IFNAR2: variants seen among roughly 807,000 people sequenced by gnomAD.
The protein encoded by IFNAR2 is interferon alpha/beta receptor 2.
A neutral mutation model predicts 49.4 loss-of-function variants in IFNAR2; 30 were observed. That is an observed-to-expected ratio of 0.61 (90% CI 0.45 to 0.82). The LOEUF is 0.82. Ranked by LOEUF, IFNAR2 falls within the 40% of genes least tolerant of loss-of-function variation. The pLI is 0.00. For missense variants in IFNAR2, 600 were observed against 622.7 expected, an observed-to-expected ratio of 0.96 and a Z score of 0.39; for synonymous variants, 224 against 234.5, an observed-to-expected ratio of 0.96 and a Z score of 0.41.
chr21:33,243,078 G>A (rs897871601), intron 2 of IFNAR2, among the ~76,000 whole-genome samples: 1 of 149,344 alleles, frequency 6.7e-6, no homozygotes, highest in African/African-American at 2.5e-5. Flanking sequence ...ATGAGCCACT[G>A]TGTCCAGCCA....
At chr21:33,236,353 A>G (rs1314277222) in intron 1 of IFNAR2, among the ~76,000 whole-genome samples, 1 of 152,160 alleles carries the variant, frequency 6.6e-6, no homozygotes, top group African/African-American at 2.4e-5. Flanking sequence ...GGCTCTGTGG[A>G]AGTCAAGCCT....
At chr21:33,236,943 G>A in intron 1 of IFNAR2, 4 of 876,388 alleles carry the variant, frequency 4.6e-6, no homozygotes, top group Non-Finnish European at 5.5e-6. Flanking sequence ...TAACAATTTA[G>A]GCACGATGCC....
chr21:33,238,149 C>T lies in IFNAR2; in HGVS notation c.-83-3691C>T, dbSNP rs141521586. Among the ~76,000 whole-genome samples, 188 of 152,224 alleles carry T rather than the reference C, an allele frequency of 1.2e-3. 5 individuals are homozygous for T. The East Asian group carries it at 0.031, about 25-fold the overall frequency. ...GCAAGTTAGCTCCCTGCTACCTTGG[C>T]GTTGTCAGTCCTCCACATAGCACTC... On this transcript the variant is annotated intron_variant, in intron 1 of 8. Transcript: ENST00000342136.
intron 7 of IFNAR2, among the ~76,000 whole-genome samples, chr21:33,254,084 G>A (rs1232428243): frequency 6.6e-6 from 1 of 152,112 alleles, no homozygotes; most frequent in East Asian, 1.9e-4. Flanking sequence ...ATAAAAATAA[G>A]GTAGGATCTA....
chr21:33,263,079 A>C lies in IFNAR2; in HGVS notation c.1127A>C (p.Glu376Ala), dbSNP rs1397963219. The change falls in exon 9 of 9, where the codon GAG (glutamate) becomes GCG (alanine). Residue 376 changes from glutamate to alanine, a missense_variant. Transcript: ENST00000342136. ...EEPDLPEVDV[E>A]LPTMPKDSPQ... is the part of the protein sequence containing the mutation. Reference sequence around the variant, plus strand: ...CCTGACCTGCCTGAGGTTGATGTGGAGCTCCCCACGATGCCAAAGGACAGC... The same window carrying C: ...CCTGACCTGCCTGAGGTTGATGTGGCGCTCCCCACGATGCCAAAGGACAGC... The C allele has an allele frequency of 6.2e-7, 1 of 1,614,018 alleles. No individual in the cohort carries two copies. The highest frequency in any genetic ancestry group is 1.3e-5 in the African/African-American group (1 of 74,978).
At chr21:33,236,076 A>G (rs568344957) in intron 1 of IFNAR2, among the ~76,000 whole-genome samples, 59 of 152,226 alleles carry the variant, frequency 3.9e-4, no homozygotes, top group Non-Finnish European at 6.0e-4. Context: ...ACTTTACAGC[A>G]CATCTTGGGA....
In IFNAR2 at chr21:33,263,101, C is replaced by T. The variant is rs1988752873; in HGVS notation, c.1149C>T (p.Asp383=). 1 of 1,614,190 alleles carries T rather than the reference C, an allele frequency of 6.2e-7. No homozygotes were observed. Among genetic ancestry groups the T allele is most frequent in the Non-Finnish European group, 8.5e-7 (1 of 1,180,024 alleles). The change falls in exon 9 of 9, where the codon GAC becomes GAT. Residue 383 remains aspartate (D), a synonymous_variant. Transcript: ENST00000342136. ...TGGAGCTCCCCACGATGCCAAAGGA[C>T]AGCCCTCAGCAGTTGGAACTCTTGA... ...VDVELPTMPK[D]SPQQLELLSG...
chr21:33,245,659 G>A (rs761883341), intron 4 of IFNAR2, among the ~76,000 whole-genome samples: 7 of 152,176 alleles, frequency 4.6e-5, no homozygotes, highest in Non-Finnish European at 8.8e-5. Flanking sequence ...AGTCCTGCTT[G>A]TCTTTTGTCT....
At chr21:33,249,081 C>T (rs571041023) in intron 6 of IFNAR2, among the ~76,000 whole-genome samples, 9 of 152,306 alleles carry the variant, frequency 5.9e-5, no homozygotes, top group African/African-American at 1.2e-4. Context: ...TGGTGGCTCA[C>T]GCCTATAATC....
intron 1 of IFNAR2, among the ~76,000 whole-genome samples, chr21:33,239,171 C>G (rs1986719453): frequency 6.6e-6 from 1 of 152,204 alleles, no homozygotes; most frequent in African/African-American, 2.4e-5. Flanking sequence ...TCCCCTCTCC[C>G]CACTGTTTAG....
intron 7 of IFNAR2, among the ~76,000 whole-genome samples, chr21:33,257,517 G>A (rs554852864): frequency 1.3e-5 from 2 of 152,100 alleles, no homozygotes; most frequent in Non-Finnish European, 2.9e-5. Context: ...CCTCGTGATT[G>A]GCTACTTTTA....
Position 33,247,254 on chromosome 21 carries a change from C to CTTTTTTTTTT in IFNAR2, c.394+370_394+379dup, listed in dbSNP as rs59707670. Reference sequence around the variant, plus strand: ...ATTTTCTTTCTTTCTTTCTTTCTTTCTTTTTTTTTTTTTTTGAGATGGAGT... The same window carrying CTTTTTTTTTT: ...ATTTTCTTTCTTTCTTTCTTTCTTTCTTTTTTTTTTTTTTTTTTTTTTTTTGAGATGGAGT... On this transcript the variant is annotated intron_variant, in intron 5 of 8. Coordinates refer to ENST00000342136, the MANE Select transcript of IFNAR2 (RefSeq NM_001289125.3). 4.5e-4 allele frequency among the ~76,000 whole-genome samples: 41 copies of CTTTTTTTTTT among 91,560 alleles called. 2 individuals are homozygous for CTTTTTTTTTT. Among genetic ancestry groups the CTTTTTTTTTT allele is most frequent in the African/African-American group, 1.6e-3 (38 of 23,796 alleles). 60.1% of individuals were successfully genotyped at this position (91,560 alleles called of 152,430 possible).
intron 1 of IFNAR2, among the ~76,000 whole-genome samples, chr21:33,231,540 G>A (rs1197224421): frequency 6.6e-6 from 1 of 152,152 alleles, no homozygotes; most frequent in Non-Finnish European, 1.5e-5. Flanking sequence ...AAAGTAGTAT[G>A]AAAAGGATCA....
intron 8 of IFNAR2, chr21:33,262,519 A>G (rs1350053376): frequency 2.9e-6 from 2 of 687,874 alleles, no homozygotes; most frequent in East Asian, 5.4e-5. Flanking sequence ...CATCAACTGC[A>G]TCATCATTCA....
At chr21:33,232,667 AAG>A (rs935197173) in intron 1 of IFNAR2, among the ~76,000 whole-genome samples, 2 of 151,850 alleles carry the variant, frequency 1.3e-5, no homozygotes, top group East Asian at 3.9e-4. Flanking sequence ...AAAAAAAAAA[AAG>A]AGGAAACTGA....
rs1252363233 is a variant in IFNAR2, at chr21:33,263,451, A to G, written c.1499A>G (p.Asp500Gly). The G allele has an allele frequency of 6.2e-7, 1 of 1,613,700 alleles. No individual in the cohort carries two copies. The highest frequency in any genetic ancestry group is 2.2e-5 in the East Asian group (1 of 44,874). The change falls in exon 9 of 9, where the codon GAC becomes GGC. Residue 500 changes from aspartate to glycine, a missense_variant. Coordinates refer to ENST00000342136, the MANE Select transcript of IFNAR2 (RefSeq NM_001289125.3). Reference protein sequence around the residue: ...WSEDAPSDQSDTSESDVDLGD... With the variant: ...WSEDAPSDQSGTSESDVDLGD... The stretch of plus-strand genomic sequence containing the variant: ...GAAGATGCTCCATCTGATCAAAGTG[A>G]CACTTCTGAGTCAGATGTTGACCTT...
In IFNAR2 at chr21:33,252,792, C is replaced by A. The variant is rs1987951503; in HGVS notation, c.671C>A (p.Pro224His). 1.9e-6 allele frequency: 3 copies of A among 1,613,978 alleles called. No individual in the cohort carries two copies. Among genetic ancestry groups the A allele is most frequent in the Non-Finnish European group, 2.5e-6 (3 of 1,179,904 alleles). ...GATGAGCAAGCAGTAATAAAGTCTC[C>A]CTTAAAATGCACCCTCCTTCCACCT... ...HSDEQAVIKS[P>H]LKCTLLPPGQ... Residue 224 changes from proline to histidine, a missense_variant, in exon 7 of 9, where the codon CCC becomes CAC. Transcript: ENST00000342136.
intron 7 of IFNAR2, among the ~76,000 whole-genome samples, chr21:33,255,729 C>CA (rs1295343206): frequency 1.3e-5 from 2 of 152,164 alleles, no homozygotes; most frequent in Non-Finnish European, 2.9e-5. Flanking sequence ...GGATTGAACT[C>CA]AGTCTCCAGC....
rs757904941 is a variant in IFNAR2, at chr21:33,248,696, G to T, written c.395-13G>T. 1 of 1,591,252 alleles carries T rather than the reference G, an allele frequency of 6.3e-7. No homozygotes were observed. Among genetic ancestry groups the T allele is most frequent in the Non-Finnish European group, 8.5e-7 (1 of 1,170,244 alleles). On this transcript the variant is annotated splice_polypyrimidine_tract_variant and intron_variant, in intron 5 of 8. Coordinates refer to ENST00000342136, the MANE Select transcript of IFNAR2 (RefSeq NM_001289125.3). ...CTGTGACATATTCCTGTCTGTTTTT[G>T]TTTTTTGCACAGTGTCTTTTGAACC...
Sources: allele counts gnomAD v4.1 joint callset (sites outside exome capture counted in the v4.1 genomes callset), GRCh38; gene constraint gnomAD v4.1.1; transcripts MANE v1.5; gene names NCBI Gene and HGNC (gene_info 2026-07-23, HGNC 2026-07-21).